Variants in ELAVL2 observed in about 807,000 individuals in gnomAD.
ELAVL2 encodes ELAV like RNA binding protein 2, also known as ELAV-like protein 2.
In ELAVL2, 4 loss-of-function variants were observed where a neutral mutation model predicts 34.6. That is an observed-to-expected ratio of 0.12 (90% CI 0.06 to 0.26). The LOEUF (loss-of-function observed/expected upper bound fraction) is 0.26, where lower values mean the gene tolerates loss of function less well. ELAVL2 is among the 10% of genes least tolerant of loss of function. The pLI is 1.00. For missense variants in ELAVL2, 432 were observed against 442.8 expected (o/e 0.98, Z 0.22); for synonymous variants, 193 against 154.8 (o/e 1.25, Z -1.83).
chr9:23,758,255 T>C (rs2054053235), intron 2 of ELAVL2, among the ~76,000 whole-genome samples: 1 of 152,084 alleles, frequency 6.6e-6, no homozygotes, highest in Admixed American at 6.6e-5. Context: ...TTTCAAAACC[T>C]TGCTAGAGAT....
intron 1 of ELAVL2, among the ~76,000 whole-genome samples, chr9:23,814,885 A>G (rs1191955042): frequency 1.3e-5 from 2 of 152,150 alleles, no homozygotes; most frequent in African/African-American, 2.4e-5. Context: ...TCCTTACCCA[A>G]TTCACTGAAT....
intron 2 of ELAVL2, among the ~76,000 whole-genome samples, chr9:23,731,608 G>A (rs1392117310): frequency 6.6e-6 from 1 of 152,140 alleles, no homozygotes; most frequent in Non-Finnish European, 1.5e-5. Context: ...TAATGTCGGA[G>A]TCTAAAATGG....
chr9:23,830,632 T>C (rs1271199898), upstream of ELAVL2, among the ~76,000 whole-genome samples: 2 of 81,484 alleles, frequency 2.5e-5, no homozygotes, highest in Non-Finnish European at 5.8e-5. Context: ...ACACCTTTTT[T>C]TTTTTTTTCC....
At chr9:23,766,688 C>T (rs533352050) in intron 1 of ELAVL2, among the ~76,000 whole-genome samples, 2 of 151,988 alleles carry the variant, frequency 1.3e-5, no homozygotes, top group African/African-American at 2.4e-5. Context: ...CAGTCTTCTC[C>T]GCTTGAGGCA....
chr9:23,695,781 A>G (rs1032377592), intron 5 of ELAVL2, among the ~76,000 whole-genome samples: 1 of 152,192 alleles, frequency 6.6e-6, no homozygotes, highest in Non-Finnish European at 1.5e-5. Flanking sequence ...GATGACTATG[A>G]TATCACTAGA....
At position 23,701,274 on chromosome 9, in the gene ELAVL2, C is replaced by T. The variant is rs911890906; in HGVS notation, c.713+105G>A. On this transcript the variant is annotated intron_variant, in intron 5 of 6. Coordinates refer to ENST00000397312, the MANE Select transcript of ELAVL2 (RefSeq NM_004432.5). ...ATTAATAGTAATAAAACCAACAACACTGACAAAAGCAAACCAGAGATCCTG... is the reference window on the plus strand; with the variant it reads ...ATTAATAGTAATAAAACCAACAACATTGACAAAAGCAAACCAGAGATCCTG... The T allele has an allele frequency of 2.4e-6, 3 of 1,260,632 alleles. No individual in the cohort carries two copies. The African/African-American group carries it at 4.5e-5, about 19-fold the overall frequency. 78.1% of individuals were successfully genotyped at this position (1,260,632 alleles called of 1,614,324 possible).
the ELAVL2 span, among the ~76,000 whole-genome samples, chr9:23,844,258 A>C: frequency 6.6e-6 from 1 of 152,024 alleles, no homozygotes; most frequent in Non-Finnish European, 1.5e-5. Flanking sequence ...TCTTACACAG[A>C]GTATGCATTA....
intron 1 of ELAVL2, among the ~76,000 whole-genome samples, chr9:23,800,288 A>C (rs546549693): frequency 6.6e-6 from 1 of 152,218 alleles, no homozygotes; most frequent in Non-Finnish European, 1.5e-5. Context: ...TCAAGTCCTA[A>C]AACAGTAGAG....
intron 1 of ELAVL2, among the ~76,000 whole-genome samples, chr9:23,768,794 G>A (rs894710351): frequency 6.6e-6 from 1 of 152,136 alleles, no homozygotes; most frequent in African/African-American, 2.4e-5. Flanking sequence ...CCAACTTCAG[G>A]AAAATGGCAA....
At chr9:23,721,879 A>G (rs554075044) in intron 3 of ELAVL2, among the ~76,000 whole-genome samples, 18 of 152,352 alleles carry the variant, frequency 1.2e-4, no homozygotes, top group African/African-American at 4.1e-4. Context: ...AAAATATGTG[A>G]TAACTGTTTA....
chr9:23,832,719 C>T, the ELAVL2 span, among the ~76,000 whole-genome samples: 19,014 of 152,108 alleles, frequency 0.13, 1,387 homozygotes, highest in Middle Eastern at 0.18. Flanking sequence ...ATAGTTAATA[C>T]AGCTTTAGAA....
intron 1 of ELAVL2, among the ~76,000 whole-genome samples, chr9:23,776,953 T>C (rs966498892): frequency 1.3e-5 from 2 of 152,130 alleles, no homozygotes; most frequent in African/African-American, 4.8e-5. Context: ...TTTTAAATTA[T>C]AAAGAAGAGC....
intron 3 of ELAVL2, among the ~76,000 whole-genome samples, chr9:23,724,112 G>A (rs1477695415): frequency 1.3e-5 from 2 of 152,102 alleles, no homozygotes; most frequent in South Asian, 2.1e-4. Flanking sequence ...TGCCATGAGG[G>A]GCTATGATAC....
At chr9:23,700,061 A>G (rs1396120351) in intron 5 of ELAVL2, among the ~76,000 whole-genome samples, 1 of 151,990 alleles carries the variant, frequency 6.6e-6, no homozygotes, top group Non-Finnish European at 1.5e-5. Context: ...CACTCTCTTC[A>G]GCACTGCAAA....
intron 1 of ELAVL2, among the ~76,000 whole-genome samples, chr9:23,766,849 TG>T (rs2056373642): frequency 6.6e-6 from 1 of 151,992 alleles, no homozygotes; most frequent in Admixed American, 6.6e-5. Flanking sequence ...CACAGACAAC[TG>T]GGCTGTGTAC....
intron 1 of ELAVL2, among the ~76,000 whole-genome samples, chr9:23,769,165 C>T (rs1055527883): frequency 1.3e-5 from 2 of 152,120 alleles, no homozygotes; most frequent in South Asian, 2.1e-4. Flanking sequence ...GAACAGAAGA[C>T]ATTTGTCTCT....
At chr9:23,808,982 A>G (rs529556320) in intron 1 of ELAVL2, among the ~76,000 whole-genome samples, 8 of 152,302 alleles carry the variant, frequency 5.3e-5, no homozygotes, top group African/African-American at 1.9e-4. Flanking sequence ...AACAAAAATT[A>G]AAGAGAAATG....
chr9:23,702,876 A>G (rs2037778921), intron 4 of ELAVL2, among the ~76,000 whole-genome samples: 1 of 145,044 alleles, frequency 6.9e-6, no homozygotes, highest in South Asian at 2.2e-4. Flanking sequence ...AAATCCTTTC[A>G]CTTATCTACT....
At chr9:23,783,716 G>T (rs577755534) in intron 1 of ELAVL2, among the ~76,000 whole-genome samples, 1 of 152,056 alleles carries the variant, frequency 6.6e-6, no homozygotes, top group Non-Finnish European at 1.5e-5. Flanking sequence ...AGCAAAGAAG[G>T]GAACACATGC....
Sources: allele counts gnomAD v4.1 joint callset (sites outside exome capture counted in the v4.1 genomes callset), GRCh38; gene constraint gnomAD v4.1.1; transcripts MANE v1.5; gene names NCBI Gene and HGNC (gene_info 2026-07-23, HGNC 2026-07-21).